NR2F1-AS1: variants seen among roughly 807,000 people sequenced by gnomAD.
The protein encoded by NR2F1-AS1 is NR2F1 antisense RNA 1.
chr5:93,583,121 C>T (rs529155256), upstream of NR2F1-AS1: 1 of 152,314 alleles, frequency 6.6e-6, no homozygotes, highest in East Asian at 1.9e-4. Flanking sequence ...GGCTCCTTGA[C>T]ACGAGCTCCA....
intron 4 of NR2F1-AS1, among the ~76,000 whole-genome samples, chr5:93,522,705 G>A (rs1751527482): frequency 6.6e-6 from 1 of 151,398 alleles, no homozygotes; most frequent in East Asian, 1.9e-4. Flanking sequence ...GTGAGCCAAA[G>A]CAGGGTGAGG....
intron 4 of NR2F1-AS1, among the ~76,000 whole-genome samples, chr5:93,525,907 A>C (rs1489491617): frequency 6.6e-6 from 1 of 152,206 alleles, no homozygotes; most frequent in African/African-American, 2.4e-5. Context: ...GAAAGCAATA[A>C]AGGTCTGAAA....
intron 4 of NR2F1-AS1, among the ~76,000 whole-genome samples, chr5:93,512,498 A>G (rs572999601): frequency 7.9e-4 from 120 of 152,274 alleles, no homozygotes; most frequent in African/African-American, 2.8e-3. Flanking sequence ...TTGAAGGAAG[A>G]AAAGTATTTC....
At chr5:93,560,366 T>C (rs1400622829) in intron 2 of NR2F1-AS1, among the ~76,000 whole-genome samples, 4 of 152,238 alleles carry the variant, frequency 2.6e-5, no homozygotes, top group African/African-American at 9.6e-5. Context: ...TGTAGGACTT[T>C]CCGAATTTTA....
At chr5:93,536,158 GT>G (rs1323070172) in intron 4 of NR2F1-AS1, among the ~76,000 whole-genome samples, 2 of 151,938 alleles carry the variant, frequency 1.3e-5, no homozygotes, top group Non-Finnish European at 2.9e-5. Context: ...AGTGAACTAT[GT>G]GAAAAAAACA....
intron 4 of NR2F1-AS1, among the ~76,000 whole-genome samples, chr5:93,473,757 A>G (rs1466644756): frequency 6.6e-6 from 1 of 151,814 alleles, no homozygotes. Context: ...ACTATCCCAC[A>G]GAACAACAGA....
At chr5:93,576,751 G>C (rs1752905081) in intron 1 of NR2F1-AS1, among the ~76,000 whole-genome samples, 1 of 152,152 alleles carries the variant, frequency 6.6e-6, no homozygotes, top group Non-Finnish European at 1.5e-5. Flanking sequence ...TAATCCTGTA[G>C]TAGAAGAAAT....
At chr5:93,433,081 C>G (rs1749359429) in intron 4 of NR2F1-AS1, among the ~76,000 whole-genome samples, 1 of 152,152 alleles carries the variant, frequency 6.6e-6, no homozygotes, top group African/African-American at 2.4e-5. Flanking sequence ...CATGACCACC[C>G]CTTATAATTT....
chr5:93,435,991 C>T (rs1749423771), intron 4 of NR2F1-AS1, among the ~76,000 whole-genome samples: 1 of 152,082 alleles, frequency 6.6e-6, no homozygotes, highest in South Asian at 2.1e-4. Context: ...AATACTATTC[C>T]CCATAACACA....
chr5:93,547,851 A>G (rs1251706260), intron 4 of NR2F1-AS1, among the ~76,000 whole-genome samples: 2 of 152,242 alleles, frequency 1.3e-5, no homozygotes, highest in East Asian at 3.8e-4. Context: ...TGGTGATATG[A>G]TGATATTGGT....
At chr5:93,418,529 T>A (rs1749016639) in intron 4 of NR2F1-AS1, among the ~76,000 whole-genome samples, 1 of 151,978 alleles carries the variant, frequency 6.6e-6, no homozygotes, top group Non-Finnish European at 1.5e-5. Flanking sequence ...GAAGTTGCAG[T>A]AAGCCAAGAT....
chr5:93,525,132 C>T (rs1751584861), intron 4 of NR2F1-AS1, among the ~76,000 whole-genome samples: 1 of 152,010 alleles, frequency 6.6e-6, no homozygotes, highest in African/African-American at 2.4e-5. Flanking sequence ...TGAAAAGACA[C>T]ACACAGGCTC....
At chr5:93,421,755 G>A (rs961397324) in intron 4 of NR2F1-AS1, among the ~76,000 whole-genome samples, 4 of 152,212 alleles carry the variant, frequency 2.6e-5, no homozygotes, top group South Asian at 2.1e-4. Context: ...CTTGGCTGCC[G>A]ACACTGGATG....
chr5:93,530,825 C>G (rs1316410239), intron 4 of NR2F1-AS1, among the ~76,000 whole-genome samples: 1 of 151,984 alleles, frequency 6.6e-6, no homozygotes, highest in Non-Finnish European at 1.5e-5. Flanking sequence ...TTATATCCTT[C>G]ATTTACTATA....
At chr5:93,440,350 G>A (rs1181280337) in intron 4 of NR2F1-AS1, among the ~76,000 whole-genome samples, 1 of 152,190 alleles carries the variant, frequency 6.6e-6, no homozygotes, top group Non-Finnish European at 1.5e-5. Context: ...ATTAACTTTT[G>A]AATCAGTAGA....
At chr5:93,575,980 A>C (rs1752885767) in intron 1 of NR2F1-AS1, among the ~76,000 whole-genome samples, 1 of 152,228 alleles carries the variant, frequency 6.6e-6, no homozygotes, top group Non-Finnish European at 1.5e-5. Context: ...AAGCTCAGCT[A>C]GCTGTCCGCA....
chr5:93,529,055 A>G (rs1467187725), intron 4 of NR2F1-AS1, among the ~76,000 whole-genome samples: 3 of 152,180 alleles, frequency 2.0e-5, no homozygotes, highest in Non-Finnish European at 4.4e-5. Context: ...GTTTTAAAAA[A>G]TAGAATGTGA....
intron 2 of NR2F1-AS1, among the ~76,000 whole-genome samples, chr5:93,560,995 C>T (rs1036089041): frequency 1.3e-5 from 2 of 152,158 alleles, no homozygotes; most frequent in Admixed American, 1.3e-4. Context: ...ATCTGATGGC[C>T]GGGCATGGTG....
intron 4 of NR2F1-AS1, among the ~76,000 whole-genome samples, chr5:93,533,406 A>G (rs986450307): frequency 6.6e-6 from 1 of 152,200 alleles, no homozygotes; most frequent in Non-Finnish European, 1.5e-5. Flanking sequence ...ACAATTTATC[A>G]GGAATATCTA....
Sources: allele counts gnomAD v4.1 joint callset (sites outside exome capture counted in the v4.1 genomes callset), GRCh38; gene constraint gnomAD v4.1.1; transcripts MANE v1.5; gene names NCBI Gene and HGNC (gene_info 2026-07-23, HGNC 2026-07-21).